PCDHGB5: variants seen among roughly 807,000 people sequenced by gnomAD.
PCDHGB5 encodes protocadherin gamma subfamily B, 5.
PCDHGB5 carries 48 observed loss-of-function variants against 62.9 expected under a neutral mutation model. The observed-to-expected ratio is 0.76, with a 90% confidence interval of 0.61 to 0.97. PCDHGB5 has a LOEUF of 0.97. Ranked by LOEUF, PCDHGB5 falls within the 50% of genes least tolerant of loss-of-function variation. The probability of loss-of-function intolerance (pLI) is 0.00; values close to 1 mark genes in which losing one functional copy is unlikely to be tolerated. For synonymous variants in PCDHGB5, 474 were observed against 511.2 expected (o/e 0.93, Z 0.98); for missense variants, 1,118 against 1,198.6 (o/e 0.93, Z 0.99).
At chr5:141,405,659 G>T (rs867774573) in intron 1 of PCDHGB5, among the ~76,000 whole-genome samples, 1 of 152,106 alleles carries the variant, frequency 6.6e-6, no homozygotes, top group East Asian at 1.9e-4. Flanking sequence ...TGTGTTTTTA[G>T]TAGAGACGGG....
Position 141,511,590 on chromosome 5 carries a change from A to C in PCDHGB5, c.*417A>C, listed in dbSNP as rs2099883868. On this transcript the variant is annotated 3_prime_UTR_variant, in exon 4 of 4. Transcript: ENST00000617380. ...AGTAAGGTGGTTGGGGTGTTGAAGT[A>C]CCAAGTAACCTACAAGCCTCCTAGT... The C allele has an allele frequency of 3.7e-6, 1 of 267,790 alleles. No homozygotes were observed. Among genetic ancestry groups the C allele is most frequent in the Admixed American group, 4.8e-5 (1 of 20,946 alleles). The allele number at this position is 267,790 out of a possible 1,614,324, so 16.6% of individuals were successfully genotyped here.
At chr5:141,498,372 C>A (rs1008996197) in intron 2 of PCDHGB5, among the ~76,000 whole-genome samples, 3 of 151,730 alleles carry the variant, frequency 2.0e-5, no homozygotes, top group Admixed American at 1.3e-4. Flanking sequence ...GTGGTGAGGC[C>A]TCCTGGGATC....
intron 1 of PCDHGB5, chr5:141,414,399 GGTGATAC>G (rs1297009673): frequency 6.2e-7 from 1 of 1,613,846 alleles, no homozygotes; most frequent in South Asian, 1.1e-5. Flanking sequence ...ATTACAGATT[GGTGATAC>G]ACAGAGCCCT....
intron 3 of PCDHGB5, 31 bp downstream of exon 3, chr5:141,505,512 T>C (rs754223095): frequency 6.2e-7 from 1 of 1,613,676 alleles, no homozygotes; most frequent in South Asian, 1.1e-5. Context: ...TATGGAAGAG[T>C]GGGAGACCTG....
At chr5:141,463,728 G>C (rs957615020) in intron 1 of PCDHGB5, among the ~76,000 whole-genome samples, 3 of 152,066 alleles carry the variant, frequency 2.0e-5, no homozygotes, top group African/African-American at 7.2e-5. Context: ...TTACAGGCAT[G>C]AGCCACCGCG....
At chr5:141,425,756 A>G (rs1282506394) in intron 1 of PCDHGB5, among the ~76,000 whole-genome samples, 1 of 152,228 alleles carries the variant, frequency 6.6e-6, no homozygotes, top group Non-Finnish European at 1.5e-5. Flanking sequence ...TTTTTGTTCT[A>G]CAACAGGAGA....
chr5:141,501,891 T>G (rs2099811650), intron 2 of PCDHGB5, among the ~76,000 whole-genome samples: 1 of 152,128 alleles, frequency 6.6e-6, no homozygotes, highest in Admixed American at 6.5e-5. Context: ...CTGATCATCA[T>G]GGTTCCAACC....
chr5:141,487,533 T>C lies in PCDHGB5; in HGVS notation c.2398-7274T>C. On this transcript the variant is annotated intron_variant, in intron 1 of 3. Coordinates refer to ENST00000617380, the MANE Select transcript of PCDHGB5 (RefSeq NM_018925.3). This position sits in a 1 kb window ranked among gnomAD's most constrained non-coding sequence, Gnocchi z 5.0. The stretch of plus-strand genomic sequence containing the variant: ...CCCACTCGGAGTGATAGCTTCATGA[T>C]GGTGAAGTCACCCAGTGCACCTATG... 6.2e-7 allele frequency: 1 copy of C among 1,614,186 alleles called. No individual in the cohort carries two copies. Among genetic ancestry groups the C allele is most frequent in the South Asian group, 1.1e-5 (1 of 91,080 alleles).
intron 1 of PCDHGB5, chr5:141,441,038 G>A (rs1263659082): frequency 6.6e-6 from 1 of 152,156 alleles, no homozygotes; most frequent in African/African-American, 2.4e-5. Context: ...AAAACTTTAA[G>A]TACATTGGAC....
At chr5:141,464,120 C>G (rs1297254980) in intron 1 of PCDHGB5, among the ~76,000 whole-genome samples, 1 of 151,976 alleles carries the variant, frequency 6.6e-6, no homozygotes, top group African/African-American at 2.4e-5. Flanking sequence ...CAAAAATTAG[C>G]TGGGTGTGGT....
intron 1 of PCDHGB5, chr5:141,441,674 CT>C: frequency 3.4e-6 from 1 of 293,692 alleles, no homozygotes; most frequent in Non-Finnish European, 6.7e-6. Flanking sequence ...CACAGTGCGC[CT>C]TCGACCAAGA....
chr5:141,401,503 C>A (rs755118621), intron 1 of PCDHGB5, among the ~76,000 whole-genome samples: 1 of 151,946 alleles, frequency 6.6e-6, no homozygotes, highest in Non-Finnish European at 1.5e-5. Flanking sequence ...AATCCTTTTC[C>A]ACCTCTATAT....
Position 141,430,120 on chromosome 5 carries a change from G to A in PCDHGB5, c.2397+29596G>A, listed in dbSNP as rs73280905. Among the ~76,000 whole-genome samples, 1,257 of 152,134 alleles carry A rather than the reference G, an allele frequency of 8.3e-3. 17 individuals are homozygous for A. Among genetic ancestry groups the A allele is most frequent in the African/African-American group, 0.029 (1,193 of 41,506 alleles). Reference sequence around the variant, plus strand: ...TTAAGCGTTACATGTCAACAACCTGGTAAAGTAATCCTTCCATTCAGGATC... The same window carrying A: ...TTAAGCGTTACATGTCAACAACCTGATAAAGTAATCCTTCCATTCAGGATC... On this transcript the variant is annotated intron_variant, in intron 1 of 3. Coordinates refer to ENST00000617380, the MANE Select transcript of PCDHGB5 (RefSeq NM_018925.3).
At position 141,486,455 on chromosome 5, in the gene PCDHGB5, T is replaced by G; in HGVS notation, c.2398-8352T>G. On this transcript the variant is annotated intron_variant, in intron 1 of 3. Transcript: ENST00000617380. This position sits in a 1 kb window ranked among gnomAD's most constrained non-coding sequence, Gnocchi z 5.0. Reference sequence around the variant, plus strand: ...TAGCTATGACATCATGGTCACTGCTTCTGATGCTGGGAACCCTCCTCTCAG... The same window carrying G: ...TAGCTATGACATCATGGTCACTGCTGCTGATGCTGGGAACCCTCCTCTCAG... 6.2e-7 allele frequency: 1 copy of G among 1,614,066 alleles called. No homozygotes were observed. Among genetic ancestry groups the G allele is most frequent in the Non-Finnish European group, 8.5e-7 (1 of 1,179,892 alleles).
chr5:141,421,855 C>T (rs1329066630), intron 1 of PCDHGB5: 1 of 1,613,764 alleles, frequency 6.2e-7, no homozygotes, highest in East Asian at 2.2e-5. Context: ...GGCTGCTCAC[C>T]TGCTCCTCCT....
chr5:141,490,092 C>T lies in PCDHGB5; in HGVS notation c.2398-4715C>T. On this transcript the variant is annotated intron_variant, in intron 1 of 3. Coordinates refer to ENST00000617380, the MANE Select transcript of PCDHGB5 (RefSeq NM_018925.3). This position sits in a 1 kb window ranked among gnomAD's most constrained non-coding sequence, Gnocchi z 5.4. ...AACTAGACTATTCTTTTGGAGACCA[C>T]ACATCTGAGGCAGTGCGGAACCTCT... 6.2e-7 allele frequency: 1 copy of T among 1,614,240 alleles called. No individual in the cohort carries two copies.
chr5:141,427,907 C>T, intron 1 of PCDHGB5: 1 of 1,575,688 alleles, frequency 6.3e-7, no homozygotes, highest in Non-Finnish European at 8.7e-7. Flanking sequence ...CCGCGCTCAG[C>T]GCCAACATGA....
intron 1 of PCDHGB5, chr5:141,428,119 C>T (rs2097112199): frequency 6.2e-7 from 1 of 1,606,512 alleles, no homozygotes; most frequent in Non-Finnish European, 8.5e-7. Context: ...GCCATCGAGC[C>T]CGGGCTTTTC....
rs774354457 is a variant in PCDHGB5 at position 141,409,462 on chromosome 5, CA to C, written c.2397+8939del. 8.1e-6 allele frequency: 13 copies of C among 1,613,870 alleles called. No individual in the cohort carries two copies. The East Asian group carries it at 2.9e-4, about 36-fold the overall frequency. On this transcript the variant is annotated intron_variant, in intron 1 of 3. Coordinates refer to ENST00000617380, the MANE Select transcript of PCDHGB5 (RefSeq NM_018925.3). ...GAGAGCAGACACCAGAATACAATGT[CA>C]CCATCGTAGCCACTGACAGGGGCAA... is the stretch of plus-strand genomic sequence containing the variant.
Sources: allele counts gnomAD v4.1 joint callset (sites outside exome capture counted in the v4.1 genomes callset), GRCh38; gene constraint gnomAD v4.1.1; non-coding constraint Gnocchi (gnomAD v3.1); transcripts MANE v1.5; gene names NCBI Gene and HGNC (gene_info 2026-07-23, HGNC 2026-07-21).